KLHL24: variants seen among roughly 807,000 people sequenced by gnomAD.
The protein encoded by KLHL24 is kelch like family member 24, also known as kelch-like protein 24.
Under a neutral mutation model 53.4 loss-of-function variants are expected in KLHL24, and 29 were observed. The observed-to-expected ratio is 0.54, with a 90% CI of 0.40 to 0.74. KLHL24 has a LOEUF of 0.74. Ranked by LOEUF, KLHL24 falls within the 30% of genes least tolerant of loss-of-function variation. The probability of loss-of-function intolerance (pLI) is 0.00; values close to 1 mark genes in which losing one functional copy is unlikely to be tolerated. For synonymous variants in KLHL24, 222 were observed against 253.7 expected (o/e 0.88, Z 1.19); for missense variants, 504 against 744.0 (o/e 0.68, Z 3.75).
chr3:183,670,475 A>C (rs1201118667), intron 5 of KLHL24, among the ~76,000 whole-genome samples: 1 of 152,182 alleles, frequency 6.6e-6, no homozygotes, highest in Non-Finnish European at 1.5e-5. Context: ...AGCTCTGTGA[A>C]CTTTAAAGTT....
chr3:183,638,946 A>T (rs1560143773), intron 1 of KLHL24, among the ~76,000 whole-genome samples: 1 of 152,192 alleles, frequency 6.6e-6, no homozygotes, highest in Non-Finnish European at 1.5e-5. Context: ...CACGCCTGTA[A>T]TCTCAGTACT....
rs1354329431 is a variant in KLHL24 at position 183,647,124 on chromosome 3, T to C, written c.-61-3172T>C. 3.6e-5 allele frequency among the ~76,000 whole-genome samples: 5 copies of C among 138,590 alleles called. No individual in the cohort carries two copies. In the South Asian group the frequency reaches 1.2e-3, roughly 33 times the overall value. 90.9% of individuals were successfully genotyped at this position (138,590 alleles called of 152,430 possible). On this transcript the variant is annotated intron_variant, in intron 2 of 7. Coordinates refer to ENST00000242810, the MANE Select transcript of KLHL24 (RefSeq NM_017644.3). ...CCGCGCCCGGCCTTGTTGCAACTCT[T>C]AAAAAAAAAAAAAAAGCTGGGCGCA...
At chr3:183,664,575 C>T (rs1462593705) in intron 4 of KLHL24, among the ~76,000 whole-genome samples, 1 of 150,850 alleles carries the variant, frequency 6.6e-6, no homozygotes, top group Non-Finnish European at 1.5e-5. Flanking sequence ...AAAAATCGGT[C>T]AATTAAAAAA....
At chr3:183,635,907 G>C (rs1715041492) in intron 1 of KLHL24, 114 bp downstream of exon 1, 1 of 152,424 alleles carries the variant, frequency 6.6e-6, no homozygotes, top group Non-Finnish European at 1.5e-5. Flanking sequence ...GGCGGTCTGC[G>C]GAGAGGCTGC....
intron 5 of KLHL24, among the ~76,000 whole-genome samples, chr3:183,670,542 A>T (rs1174354804): frequency 6.6e-6 from 1 of 152,226 alleles, no homozygotes; most frequent in Non-Finnish European, 1.5e-5. Context: ...AGGCCTGACC[A>T]GCACTCTCAT....
intron 7 of KLHL24, among the ~76,000 whole-genome samples, chr3:183,675,668 C>T (rs1287934153): frequency 6.6e-6 from 1 of 151,718 alleles, no homozygotes; most frequent in Non-Finnish European, 1.5e-5. Context: ...TGCAGTGGCT[C>T]ATGCATATAA....
At chr3:183,661,064 C>CA (rs755600519) in intron 3 of KLHL24, among the ~76,000 whole-genome samples, 954 of 26,964 alleles carry the variant, frequency 0.035, 54 homozygotes, top group Non-Finnish European at 0.037. Context: ...GACTCCGTCT[C>CA]AAAAAAAAAA....
In KLHL24 at chr3:183,654,583, T is replaced by C. The variant is rs559676841; in HGVS notation, c.920+3307T>C. Among the ~76,000 whole-genome samples, 134 of 152,316 alleles carry C rather than the reference T, an allele frequency of 8.8e-4. 1 individual carries two copies. The highest frequency in any genetic ancestry group is 3.1e-3 in the African/African-American group (130 of 41,582). On this transcript the variant is annotated intron_variant, in intron 3 of 7. Coordinates refer to ENST00000242810, the MANE Select transcript of KLHL24 (RefSeq NM_017644.3). ...CAAAATAACATTAGCACATTTAAAC[T>C]TAATAATAATAATTCATATTATCTA...
chr3:183,655,081 A>G (rs905309472), intron 3 of KLHL24, among the ~76,000 whole-genome samples: 6 of 152,212 alleles, frequency 3.9e-5, no homozygotes, highest in Admixed American at 1.3e-4. Context: ...TTTAGTATCT[A>G]TTCTGTGCCA....
At chr3:183,655,691 G>A (rs1370651007) in intron 3 of KLHL24, among the ~76,000 whole-genome samples, 6 of 152,042 alleles carry the variant, frequency 3.9e-5, no homozygotes, top group South Asian at 2.1e-4. Flanking sequence ...TTGGGAGGCC[G>A]AGGCGGGCAG....
At chr3:183,679,053 G>T (rs1278869019) in intron 7 of KLHL24, 33 bp from the exon 8 acceptor site, 4 of 1,534,286 alleles carry the variant, frequency 2.6e-6, no homozygotes, top group African/African-American at 2.7e-5. Flanking sequence ...ATCTTCAATG[G>T]TTAATTTTTT....
Position 183,679,124 on chromosome 3 carries a change from T to C in KLHL24, c.1641T>C (p.Tyr547=), listed in dbSNP as rs1209713136. The C allele has an allele frequency of 1.2e-6, 2 of 1,613,850 alleles. No homozygotes were observed. The highest frequency in any genetic ancestry group is 2.7e-5 in the African/African-American group (2 of 74,920). Residue 547 remains tyrosine, a synonymous_variant, in exon 8 of 8, where the codon TAT becomes TAC. Coordinates refer to ENST00000242810, the MANE Select transcript of KLHL24 (RefSeq NM_017644.3). The part of the protein sequence containing the change: ...CGMSVCNGKI[Y]ILGGRRENGE... The stretch of plus-strand genomic sequence containing the variant: ...TGTCTGTGTGTAATGGTAAAATATA[T>C]ATCCTGGGCGGAAGACGGGAAAATG...
At chr3:183,656,059 T>TTTTTTTTTC (rs1178459038) in intron 3 of KLHL24, among the ~76,000 whole-genome samples, 89 of 135,748 alleles carry the variant, frequency 6.6e-4, no homozygotes, top group Non-Finnish European at 8.3e-4. Flanking sequence ...TTTTTTTTTT[T>TTTTTTTTTC]TTTCTGAGAC....
At chr3:183,652,376 G>T (rs1188249105) in intron 3 of KLHL24, among the ~76,000 whole-genome samples, 1 of 152,102 alleles carries the variant, frequency 6.6e-6, no homozygotes, top group East Asian at 1.9e-4. Context: ...AAATATTACA[G>T]TAAATTATCC....
chr3:183,664,920 G>A lies in KLHL24; in HGVS notation c.1106-1G>A. 6.3e-7 allele frequency: 1 copy of A among 1,575,846 alleles called. No homozygotes were observed. Among genetic ancestry groups the A allele is most frequent in the Non-Finnish European group, 8.7e-7 (1 of 1,147,850 alleles). ...GTGTGTGCATTGTTTTGCATTTCAAGGTGGAAGAATCAACAGCCGTGATGT... is the reference window on the plus strand; with the variant it reads ...GTGTGTGCATTGTTTTGCATTTCAAAGTGGAAGAATCAACAGCCGTGATGT... On this transcript the variant is annotated splice_acceptor_variant, in intron 4 of 7. Transcript: ENST00000242810. LOFTEE classifies it high-confidence loss of function.
intron 3 of KLHL24, among the ~76,000 whole-genome samples, chr3:183,655,496 G>A (rs574226336): frequency 2.0e-5 from 3 of 152,158 alleles, no homozygotes; most frequent in Non-Finnish European, 4.4e-5. Flanking sequence ...AGGCATTGTA[G>A]CATGTACCTG....
In KLHL24 at chr3:183,668,812, G is replaced by A. The variant is rs549079836; in HGVS notation, c.1225-2222G>A. 6.6e-5 allele frequency among the ~76,000 whole-genome samples: 10 copies of A among 152,244 alleles called. No individual in the cohort carries two copies. The East Asian group carries it at 1.4e-3, about 21-fold the overall frequency. ...CCCGGCTACTTGGGAGGCTGAGGCAGGAGAATCACTTGAGCCTGAGAGGCA... is the reference window on the plus strand; with the variant it reads ...CCCGGCTACTTGGGAGGCTGAGGCAAGAGAATCACTTGAGCCTGAGAGGCA... On this transcript the variant is annotated intron_variant, in intron 5 of 7. Transcript: ENST00000242810.
chr3:183,659,257 G>A (rs758522016), intron 3 of KLHL24, among the ~76,000 whole-genome samples: 7 of 152,066 alleles, frequency 4.6e-5, no homozygotes, highest in Non-Finnish European at 1.0e-4. Context: ...AAGAGGCCAG[G>A]CACAGTGGCT....
chr3:183,675,720 G>C lies in KLHL24; in HGVS notation c.1602+3236G>C, dbSNP rs533654565. On this transcript the variant is annotated intron_variant, in intron 7 of 7. Coordinates refer to ENST00000242810, the MANE Select transcript of KLHL24 (RefSeq NM_017644.3). ...AGCTGAGGCAGGAGGATCACCTGAG[G>C]CCAAGAGTTAGGGACCAGCCTGGGT... 4.0e-5 allele frequency among the ~76,000 whole-genome samples: 6 copies of C among 151,718 alleles called. 1 individual carries two copies. In the East Asian group the frequency reaches 1.2e-3, roughly 29 times the overall value.
Sources: allele counts gnomAD v4.1 joint callset (sites outside exome capture counted in the v4.1 genomes callset), GRCh38; gene constraint gnomAD v4.1.1; transcripts MANE v1.5; gene names NCBI Gene and HGNC (gene_info 2026-07-23, HGNC 2026-07-21).